Variants in PDE7B observed in about 807,000 individuals in gnomAD.
PDE7B encodes the protein 3',5'-cyclic-AMP phosphodiesterase 7B.
In PDE7B, 29 loss-of-function variants were observed where a neutral mutation model predicts 56.2. The observed-to-expected ratio is 0.52, with a 90% CI of 0.38 to 0.70. PDE7B has a LOEUF of 0.70. Ranked by LOEUF, PDE7B falls within the 30% of genes least tolerant of loss-of-function variation. The pLI, the probability that PDE7B is intolerant of heterozygous loss-of-function variation, is 0.00. For missense variants in PDE7B, 490 were observed against 565.0 expected (o/e 0.87, Z 1.35); for synonymous variants, 197 against 196.9 (o/e 1.00, Z 0.00).
At chr6:135,989,744 T>C (rs1055485023) in intron 2 of PDE7B, among the ~76,000 whole-genome samples, 1 of 152,174 alleles carries the variant, frequency 6.6e-6, no homozygotes, top group African/African-American at 2.4e-5. Flanking sequence ...GAGAATTGGT[T>C]TAATTACAAT....
Position 136,078,544 on chromosome 6 carries a change from A to G in PDE7B, c.83-30187A>G, listed in dbSNP as rs1777156504. On this transcript the variant is annotated intron_variant, in intron 2 of 12. Coordinates refer to ENST00000308191, the MANE Select transcript of PDE7B (RefSeq NM_018945.4). Reference sequence around the variant, plus strand: ...TCCAGAAAAATGATACCAAAAAGGTATATTAGATTGCACATGGTGGTGAAA... The same window carrying G: ...TCCAGAAAAATGATACCAAAAAGGTGTATTAGATTGCACATGGTGGTGAAA... Among the ~76,000 whole-genome samples the G allele has an allele frequency of 2.0e-5, 3 of 151,932 alleles. No homozygotes were observed. In the South Asian group the frequency reaches 6.2e-4, roughly 32 times the overall value.
intron 1 of PDE7B, among the ~76,000 whole-genome samples, chr6:135,866,641 G>A (rs377294402): frequency 6.6e-6 from 1 of 152,166 alleles, no homozygotes; most frequent in South Asian, 2.1e-4. Context: ...GTGCATAGAA[G>A]TTAGTGTTTT....
intron 1 of PDE7B, among the ~76,000 whole-genome samples, chr6:135,880,921 T>C (rs1168078703): frequency 2.6e-5 from 4 of 152,194 alleles, no homozygotes; most frequent in Non-Finnish European, 5.9e-5. Context: ...AGTTTGCTAA[T>C]AGTTCTAATC....
chr6:136,165,939 GTC>G (rs976388299), intron 8 of PDE7B, among the ~76,000 whole-genome samples: 3 of 152,184 alleles, frequency 2.0e-5, no homozygotes, highest in Non-Finnish European at 4.4e-5. Flanking sequence ...ACAAACAGGA[GTC>G]TCTGTCATAC....
At chr6:135,995,926 TA>T (rs1775557219) in intron 2 of PDE7B, among the ~76,000 whole-genome samples, 1 of 152,206 alleles carries the variant, frequency 6.6e-6, no homozygotes, top group South Asian at 2.1e-4. Flanking sequence ...AATTGTTAAT[TA>T]ACACCATAAA....
At chr6:135,956,090 A>G (rs1438795961) in intron 2 of PDE7B, among the ~76,000 whole-genome samples, 1 of 152,132 alleles carries the variant, frequency 6.6e-6, no homozygotes, top group African/African-American at 2.4e-5. Flanking sequence ...GCATCCCCAA[A>G]AGGGTTGGGC....
intron 1 of PDE7B, among the ~76,000 whole-genome samples, chr6:135,867,444 CAG>C (rs138728248): frequency 0.02 from 3,059 of 152,088 alleles, 29 homozygotes; most frequent in African/African-American, 0.034. Context: ...CTTTTAAGGT[CAG>C]GGGTACATGT....
chr6:136,160,324 T>C (rs1778682346), intron 8 of PDE7B, among the ~76,000 whole-genome samples: 1 of 152,182 alleles, frequency 6.6e-6, no homozygotes, highest in Admixed American at 6.5e-5. Flanking sequence ...TCACCACATG[T>C]TTAGATCTCC....
intron 2 of PDE7B, among the ~76,000 whole-genome samples, chr6:135,976,716 A>AT (rs1444037481): frequency 5.9e-5 from 9 of 152,214 alleles, no homozygotes; most frequent in Admixed American, 5.9e-4. Context: ...TATTTTCATT[A>AT]TTATTGTTAT....
intron 2 of PDE7B, among the ~76,000 whole-genome samples, chr6:136,010,136 G>C (rs374733414): frequency 3.3e-5 from 5 of 152,218 alleles, no homozygotes; most frequent in Admixed American, 6.5e-5. Flanking sequence ...GTTCTCATTT[G>C]TTTCAAAGAA....
chr6:136,045,672 T>C (rs1776490259), intron 2 of PDE7B, among the ~76,000 whole-genome samples: 1 of 152,014 alleles, frequency 6.6e-6, no homozygotes, highest in African/African-American at 2.4e-5. Flanking sequence ...GGGCCAAGCT[T>C]ACTACAGAAA....
At chr6:135,969,466 G>A (rs1334663723) in intron 2 of PDE7B, among the ~76,000 whole-genome samples, 5 of 152,076 alleles carry the variant, frequency 3.3e-5, no homozygotes, top group Non-Finnish European at 4.4e-5. Context: ...GGTCTTCCTT[G>A]GCTCATTAGA....
At position 135,889,839 on chromosome 6, in the gene PDE7B, G is replaced by T. The variant is rs1583742498; in HGVS notation, c.21+37820G>T. Among the ~76,000 whole-genome samples, 3 of 127,702 alleles carry T rather than the reference G, an allele frequency of 2.3e-5. No homozygotes were observed. The South Asian group carries it at 7.5e-4, about 32-fold the overall frequency. The allele number at this position is 127,702 out of a possible 152,430, so 83.8% of individuals were successfully genotyped here. A position where few individuals can be genotyped will look rare whatever the true frequency, so the allele number is the denominator to read the frequency against. Reference sequence around the variant, plus strand: ...GCGATCTCAGCTCACTGCAACCTCTGCCTCCTGGGTTCAAGCGATTCTCCT... The same window carrying T: ...GCGATCTCAGCTCACTGCAACCTCTTCCTCCTGGGTTCAAGCGATTCTCCT... On this transcript the variant is annotated intron_variant, in intron 1 of 12. Coordinates refer to ENST00000308191, the MANE Select transcript of PDE7B (RefSeq NM_018945.4).
intron 1 of PDE7B, among the ~76,000 whole-genome samples, chr6:135,934,739 A>AT (rs1269284339): frequency 0.04 from 4,194 of 105,652 alleles, 120 homozygotes; most frequent in African/African-American, 0.071. Context: ...CAAAAAAAAA[A>AT]ATATATATAT....
chr6:136,096,604 C>T (rs1239771181), intron 2 of PDE7B, among the ~76,000 whole-genome samples: 7 of 150,334 alleles, frequency 4.7e-5, no homozygotes, highest in African/African-American at 1.7e-4. Flanking sequence ...ATTTTCATGA[C>T]ATAAACTATT....
chr6:135,969,245 C>A (rs1775051074), intron 2 of PDE7B, among the ~76,000 whole-genome samples: 1 of 152,022 alleles, frequency 6.6e-6, no homozygotes, highest in African/African-American at 2.4e-5. Flanking sequence ...CAGCAAACCA[C>A]CATGGTACAC....
chr6:136,150,395 A>G (rs1778489416), intron 5 of PDE7B, among the ~76,000 whole-genome samples: 1 of 152,082 alleles, frequency 6.6e-6, no homozygotes, highest in South Asian at 2.1e-4. Context: ...ATATGGTGAG[A>G]GATGAGGGTC....
intron 3 of PDE7B, among the ~76,000 whole-genome samples, chr6:136,140,338 T>A (rs1049054350): frequency 3.9e-5 from 6 of 152,220 alleles, no homozygotes; most frequent in Non-Finnish European, 8.8e-5. Flanking sequence ...GTATCTCTGT[T>A]TTGGTACCAG....
At chr6:136,142,193 T>C (rs1778338407) in intron 3 of PDE7B, among the ~76,000 whole-genome samples, 1 of 152,238 alleles carries the variant, frequency 6.6e-6, no homozygotes, top group African/African-American at 2.4e-5. Flanking sequence ...TCTTTATTTC[T>C]GCCTTCATTT....
Sources: allele counts gnomAD v4.1 joint callset (sites outside exome capture counted in the v4.1 genomes callset), GRCh38; gene constraint gnomAD v4.1.1; transcripts MANE v1.5; gene names NCBI Gene and HGNC (gene_info 2026-07-23, HGNC 2026-07-21).